SETBP1: variants seen among roughly 807,000 people sequenced by gnomAD.
The protein encoded by SETBP1 is SET-binding protein.
A neutral mutation model predicts 101.0 loss-of-function variants in SETBP1; 9 were observed. The ratio of observed to expected loss-of-function variants is 0.09; its 90% CI spans 0.05 to 0.16. The LOEUF is 0.16. Ranked by LOEUF, SETBP1 falls within the 10% of genes least tolerant of loss-of-function variation. SETBP1 has a pLI of 1.00. For missense variants in SETBP1, 1,858 were observed against 2,033.8 expected (o/e 0.91, Z 1.66); for synonymous variants, 818 against 788.5 (o/e 1.04, Z -0.63).
intron 4 of SETBP1, among the ~76,000 whole-genome samples, chr18:45,030,795 G>T (rs1432726483): frequency 6.6e-6 from 1 of 151,678 alleles, no homozygotes; most frequent in East Asian, 1.9e-4. Context: ...TAGTTTGTTT[G>T]TGTAGAGGTG....
At chr18:44,742,975 C>A (rs1319432892) in intron 2 of SETBP1, among the ~76,000 whole-genome samples, 1 of 140,432 alleles carries the variant, frequency 7.1e-6, no homozygotes, top group Non-Finnish European at 1.6e-5. Context: ...CTCTCTCCCC[C>A]CCTGTCCCGT....
chr18:44,696,264 C>T (rs940712387), intron 1 of SETBP1, among the ~76,000 whole-genome samples: 2 of 152,166 alleles, frequency 1.3e-5, no homozygotes, highest in Admixed American at 1.3e-4. Flanking sequence ...GAGAAATACC[C>T]TCATGTACTC....
At chr18:44,879,218 C>G (rs1254716486) in intron 3 of SETBP1, among the ~76,000 whole-genome samples, 1 of 152,192 alleles carries the variant, frequency 6.6e-6, no homozygotes, top group Non-Finnish European at 1.5e-5. Flanking sequence ...TATCCAGTAT[C>G]AAGCACAGAG....
At position 45,066,483 on chromosome 18, in the gene SETBP1, A is replaced by T. The variant is rs975943076; in HGVS notation, c.*2785A>T. 4 of 152,102 alleles carry T rather than the reference A, an allele frequency of 2.6e-5. No homozygotes were observed. The highest frequency in any genetic ancestry group is 5.9e-5 in the Non-Finnish European group (4 of 68,070). The allele number at this position is 152,102 out of a possible 1,614,324, so 9.4% of individuals were successfully genotyped here. On this transcript the variant is annotated 3_prime_UTR_variant, in exon 6 of 6. Transcript: ENST00000649279. Reference sequence around the variant, plus strand: ...TTTCATTAACCTAACTCATCTCATCAGTACAACCATTTTCTTATTCTCTAA... The same window carrying T: ...TTTCATTAACCTAACTCATCTCATCTGTACAACCATTTTCTTATTCTCTAA...
At chr18:45,023,460 G>T (rs534303301) in intron 4 of SETBP1, among the ~76,000 whole-genome samples, 1 of 152,342 alleles carries the variant, frequency 6.6e-6, no homozygotes, top group South Asian at 2.1e-4. Flanking sequence ...GCACGGAGTT[G>T]CTGTATTCAC....
chr18:44,710,222 C>T (rs1382044327), intron 2 of SETBP1, among the ~76,000 whole-genome samples: 1 of 152,062 alleles, frequency 6.6e-6, no homozygotes, highest in Admixed American at 6.5e-5. Context: ...TAAAAACATC[C>T]TACCTTCAAG....
rs77409848 is a variant in SETBP1 at position 44,703,623 on chromosome 18, C to A, written c.486+1791C>A. Among the ~76,000 whole-genome samples, 303 of 152,060 alleles carry A rather than the reference C, an allele frequency of 2.0e-3. 1 individual carries two copies. Among genetic ancestry groups the A allele is most frequent in the African/African-American group, 7.2e-3 (300 of 41,476 alleles). ...TCTGCATCCAGGAATTGCCCCAGTT[C>A]CTAGCAAACTGGGACGATTGGTCAC... On this transcript the variant is annotated intron_variant, in intron 2 of 5. Coordinates refer to ENST00000649279, the MANE Select transcript of SETBP1 (RefSeq NM_015559.3).
chr18:44,911,487 A>C (rs1474659554), intron 3 of SETBP1, among the ~76,000 whole-genome samples: 4 of 152,236 alleles, frequency 2.6e-5, no homozygotes, highest in Non-Finnish European at 1.5e-5. Context: ...AACAGCGTTC[A>C]CATTAGAACC....
chr18:44,934,252 G>A (rs550681658), intron 3 of SETBP1, among the ~76,000 whole-genome samples: 14 of 151,678 alleles, frequency 9.2e-5, no homozygotes, highest in African/African-American at 2.2e-4. Flanking sequence ...AGGTTCAAGC[G>A]ATTCTCCTGC....
chr18:44,741,419 A>G (rs1403098007), intron 2 of SETBP1, among the ~76,000 whole-genome samples: 2 of 152,214 alleles, frequency 1.3e-5, no homozygotes, highest in Admixed American at 6.5e-5. Flanking sequence ...AAATACAACT[A>G]GAGTCCTAAG....
chr18:45,046,824 A>C (rs944064239), intron 5 of SETBP1, among the ~76,000 whole-genome samples: 3 of 152,238 alleles, frequency 2.0e-5, no homozygotes, highest in Admixed American at 2.0e-4. Context: ...TAAGAGAAGC[A>C]AAAGCCAGGA....
intron 3 of SETBP1, among the ~76,000 whole-genome samples, chr18:44,949,212 C>T: frequency 6.6e-6 from 1 of 152,172 alleles, no homozygotes. Flanking sequence ...TCGATTGGCC[C>T]ACTTTTTCCC....
At chr18:44,961,651 G>A (rs1270027121) in intron 4 of SETBP1, among the ~76,000 whole-genome samples, 1 of 152,164 alleles carries the variant, frequency 6.6e-6, no homozygotes, top group Non-Finnish European at 1.5e-5. Flanking sequence ...CATTCCACAT[G>A]TCATAGTATA....
At chr18:45,025,067 T>C (rs2073138993) in intron 4 of SETBP1, among the ~76,000 whole-genome samples, 2 of 152,128 alleles carry the variant, frequency 1.3e-5, no homozygotes. Context: ...AGATAACAAA[T>C]TAATTGTCTG....
rs977868123 is a variant in SETBP1 at position 44,688,371 on chromosome 18, C to T, written c.-173+7350C>T. Among the ~76,000 whole-genome samples, 77 of 152,214 alleles carry T rather than the reference C, an allele frequency of 5.1e-4. 1 individual carries two copies. Among genetic ancestry groups the T allele is most frequent in the African/African-American group, 1.8e-3 (75 of 41,528 alleles). On this transcript the variant is annotated intron_variant, in intron 1 of 5. Transcript: ENST00000649279. ...AGTAGCCCATCAGAAGCAGTGGGAGCACCAATGTGCTTGTAGCAGACTAAT... is the reference window on the plus strand; with the variant it reads ...AGTAGCCCATCAGAAGCAGTGGGAGTACCAATGTGCTTGTAGCAGACTAAT...
chr18:44,930,360 G>A (rs2070801237), intron 3 of SETBP1, among the ~76,000 whole-genome samples: 1 of 152,038 alleles, frequency 6.6e-6, no homozygotes, highest in South Asian at 2.1e-4. Flanking sequence ...GAGGATTTTT[G>A]CATCGATGTT....
chr18:44,701,856 G>T (rs1351197093), intron 2 of SETBP1, 24 bp downstream of exon 2: 1 of 1,607,230 alleles, frequency 6.2e-7, no homozygotes, highest in African/African-American at 1.3e-5. Flanking sequence ...TCTTATGGTT[G>T]TTTTTGTTTG....
chr18:44,810,837 C>T (rs1364838088), intron 2 of SETBP1, among the ~76,000 whole-genome samples: 2 of 152,186 alleles, frequency 1.3e-5, no homozygotes, highest in Non-Finnish European at 2.9e-5. Flanking sequence ...TGAAGGGACA[C>T]TGGATGTTGC....
intron 2 of SETBP1, among the ~76,000 whole-genome samples, chr18:44,856,218 G>A (rs2072974565): frequency 1.3e-5 from 2 of 152,100 alleles, no homozygotes; most frequent in Non-Finnish European, 2.9e-5. Context: ...CTTGTTAAGG[G>A]CTATTGCTGT....
Sources: gnomAD v4.1 joint callset for allele counts (sites outside exome capture counted in the v4.1 genomes callset) on GRCh38, gnomAD v4.1.1 for gene constraint, MANE v1.5 for transcripts, NCBI Gene and HGNC (gene_info 2026-07-23, HGNC 2026-07-21) for gene names.